Variants in RORA observed in about 807,000 individuals in gnomAD.
The protein encoded by RORA is RAR related orphan receptor A, also known as nuclear receptor ROR-alpha.
In RORA, 7 loss-of-function variants were observed where a neutral mutation model predicts 69.5. That is an observed-to-expected ratio of 0.10 (90% CI 0.06 to 0.19). The LOEUF (loss-of-function observed/expected upper bound fraction) is 0.19, where lower values mean the gene tolerates loss of function less well. RORA is among the 10% of genes least tolerant of loss of function. The pLI is 1.00. For missense variants in RORA, 457 were observed against 663.0 expected (o/e 0.69, Z 3.41); for synonymous variants, 261 against 240.8 (o/e 1.08, Z -0.78).
At chr15:61,098,215 C>G (rs1037022436) in intron 1 of RORA, among the ~76,000 whole-genome samples, 1 of 139,532 alleles carries the variant, frequency 7.2e-6, no homozygotes, top group Non-Finnish European at 1.6e-5. Flanking sequence ...CTTCTTCCCT[C>G]CCTCCTTCCT....
chr15:60,856,078 A>G (rs924106379), intron 1 of RORA, among the ~76,000 whole-genome samples: 1 of 152,170 alleles, frequency 6.6e-6, no homozygotes, highest in Non-Finnish European at 1.5e-5. Flanking sequence ...AAACCCACTC[A>G]TGTTAAATAT....
intron 1 of RORA, among the ~76,000 whole-genome samples, chr15:61,029,017 A>C (rs1895990885): frequency 6.6e-6 from 1 of 152,042 alleles, no homozygotes. Flanking sequence ...TGGGGTGATG[A>C]ATATATTCTG....
chr15:61,192,176 G>C (rs2079806622), intron 1 of RORA, among the ~76,000 whole-genome samples: 1 of 152,250 alleles, frequency 6.6e-6, no homozygotes, highest in Admixed American at 6.5e-5. Context: ...AGGGTGGTGT[G>C]AATAATGCGG....
At chr15:61,035,842 G>A (rs181741398) in intron 1 of RORA, among the ~76,000 whole-genome samples, 85 of 152,246 alleles carry the variant, frequency 5.6e-4, no homozygotes, top group African/African-American at 2.0e-3. Context: ...AGGATACAGC[G>A]AAAAATCTAT....
chr15:60,715,202 C>A (rs2071203752), intron 1 of RORA, among the ~76,000 whole-genome samples: 1 of 152,192 alleles, frequency 6.6e-6, no homozygotes, highest in South Asian at 2.1e-4. Context: ...AATGTGTCAT[C>A]ATTTCCATGG....
At chr15:60,752,498 G>T (rs976956762) in intron 1 of RORA, among the ~76,000 whole-genome samples, 6 of 151,908 alleles carry the variant, frequency 3.9e-5, no homozygotes, top group Non-Finnish European at 8.8e-5. Flanking sequence ...GTTATTTCTG[G>T]CAGTTCCCAA....
In RORA at chr15:61,075,410, G is replaced by C. The variant is rs1250176585; in HGVS notation, c.166+153643C>G. Among the ~76,000 whole-genome samples the C allele has an allele frequency of 2.6e-5, 4 of 152,140 alleles. 1 individual carries two copies. The highest frequency in any genetic ancestry group is 4.1e-4 in the South Asian group (2 of 4,832). On this transcript the variant is annotated intron_variant, in intron 1 of 10. Transcript: ENST00000335670. ...GTTCGACCATGCCTTCCTAGGGAAG[G>C]CCTGCAGTGGGTGTGCGTCTGTGCA... is the stretch of plus-strand genomic sequence containing the variant.
chr15:60,624,910 T>C (rs953263969), intron 2 of RORA, among the ~76,000 whole-genome samples: 1 of 152,106 alleles, frequency 6.6e-6, no homozygotes, highest in Non-Finnish European at 1.5e-5. Flanking sequence ...TTATCAAGGC[T>C]TTGGAAAAAT....
At chr15:60,518,916 C>T (rs1016334610) in intron 3 of RORA, among the ~76,000 whole-genome samples, 4 of 152,184 alleles carry the variant, frequency 2.6e-5, no homozygotes, top group Non-Finnish European at 5.9e-5. Context: ...GTTTCAGTTA[C>T]TTGCGTCAAC....
At chr15:60,740,696 A>G (rs2071564180) in intron 1 of RORA, among the ~76,000 whole-genome samples, 1 of 152,192 alleles carries the variant, frequency 6.6e-6, no homozygotes, top group Non-Finnish European at 1.5e-5. Context: ...TGAGCTGTAA[A>G]TCTCTTAGGT....
At chr15:60,655,349 T>C (rs1437018900) in intron 2 of RORA, among the ~76,000 whole-genome samples, 2 of 152,120 alleles carry the variant, frequency 1.3e-5, no homozygotes, top group East Asian at 3.9e-4. Flanking sequence ...AGAGTTGTGT[T>C]TGAGCCCTTC....
At chr15:60,671,690 C>T (rs2070475381) in intron 2 of RORA, among the ~76,000 whole-genome samples, 1 of 151,766 alleles carries the variant, frequency 6.6e-6, no homozygotes, top group Non-Finnish European at 1.5e-5. Flanking sequence ...CGGCTCACTG[C>T]AACCTCTGCC....
chr15:60,745,949 A>G (rs1203850107), intron 1 of RORA, among the ~76,000 whole-genome samples: 3 of 152,162 alleles, frequency 2.0e-5, no homozygotes, highest in Admixed American at 2.0e-4. Flanking sequence ...GTACACTATG[A>G]AAAAAATGTC....
At chr15:60,772,716 C>A (rs1758398105) in intron 1 of RORA, among the ~76,000 whole-genome samples, 1 of 152,132 alleles carries the variant, frequency 6.6e-6, no homozygotes, top group African/African-American at 2.4e-5. Flanking sequence ...CAAGGTGAGC[C>A]ACACGTAGGG....
chr15:60,703,679 C>G (rs1567162470), intron 1 of RORA, among the ~76,000 whole-genome samples: 1 of 152,132 alleles, frequency 6.6e-6, no homozygotes, highest in Non-Finnish European at 1.5e-5. Flanking sequence ...ATTTCAGGGA[C>G]TGAGAAGGTG....
intron 1 of RORA, among the ~76,000 whole-genome samples, chr15:60,838,546 G>T (rs1250409061): frequency 1.3e-5 from 2 of 152,164 alleles, no homozygotes; most frequent in African/African-American, 4.8e-5. Flanking sequence ...CAGACTGAAA[G>T]ACCCCTCTTT....
chr15:60,810,209 C>T (rs1255887532), intron 1 of RORA, among the ~76,000 whole-genome samples: 1 of 152,144 alleles, frequency 6.6e-6, no homozygotes, highest in Non-Finnish European at 1.5e-5. Flanking sequence ...GTTCTAACCT[C>T]ACATTAATTA....
Position 60,732,743 on chromosome 15 carries a change from C to G in RORA, c.167-54057G>C, listed in dbSNP as rs370413107. ...CCAACACATGAACACTTACACAACC[C>G]TACATACCCTGACACGTGAACAGTT... is the stretch of plus-strand genomic sequence containing the variant. On this transcript the variant is annotated intron_variant, in intron 1 of 10. Coordinates refer to ENST00000335670, the MANE Select transcript of RORA (RefSeq NM_134261.3). Among the ~76,000 whole-genome samples, 15 of 152,140 alleles carry G rather than the reference C, an allele frequency of 9.9e-5. No homozygotes were observed. In the East Asian group the frequency reaches 1.7e-3, roughly 18 times the overall value.
intron 1 of RORA, among the ~76,000 whole-genome samples, chr15:61,031,517 G>C (rs1482112955): frequency 6.6e-6 from 1 of 152,176 alleles, no homozygotes; most frequent in Non-Finnish European, 1.5e-5. Context: ...CTATGTGGTT[G>C]TGTGTATGTT....
Sources: allele counts gnomAD v4.1 joint callset (sites outside exome capture counted in the v4.1 genomes callset), GRCh38; gene constraint gnomAD v4.1.1; transcripts MANE v1.5; gene names NCBI Gene and HGNC (gene_info 2026-07-23, HGNC 2026-07-21).